ITGAD: variants seen among roughly 807,000 people sequenced by gnomAD.
ITGAD encodes the protein integrin subunit alpha D.
In ITGAD, 105 loss-of-function variants were observed where a neutral mutation model predicts 139.0. The observed-to-expected ratio is 0.76, with a 90% CI of 0.65 to 0.89. The LOEUF (loss-of-function observed/expected upper bound fraction) is 0.89. Ranked by LOEUF, ITGAD falls within the 40% of genes least tolerant of loss-of-function variation. The pLI, the probability that ITGAD is intolerant of heterozygous loss-of-function variation, is 0.00. For missense variants in ITGAD, 1,384 were observed against 1,487.3 expected, an observed-to-expected ratio of 0.93 and a Z score of 1.14; for synonymous variants, 569 against 598.3, an observed-to-expected ratio of 0.95 and a Z score of 0.71.
chr16:31,403,757 C>A lies in ITGAD; in HGVS notation c.704+112C>A. 2 of 1,384,172 alleles carry A rather than the reference C, an allele frequency of 1.4e-6. No individual in the cohort carries two copies. The highest frequency in any genetic ancestry group is 2.0e-6 in the Non-Finnish European group (2 of 1,003,184). 85.7% of individuals were successfully genotyped at this position (1,384,172 alleles called of 1,614,324 possible). ...GGGAGGCTCCAGGGAAAGGGGCTAC[C>A]AAGGGGCATGTCGGGGCTGCAGGGA... is the stretch of plus-strand genomic sequence containing the variant. On this transcript the variant is annotated intron_variant, in intron 7 of 29. Transcript: ENST00000389202. The surrounding 1 kb of genome is among the most constrained non-coding windows in gnomAD (Gnocchi z 4.4).
chr16:31,393,452 G>T, intron 1 of ITGAD, 61 bp downstream of exon 1: 1 of 1,587,738 alleles, frequency 6.3e-7, no homozygotes, highest in Non-Finnish European at 8.6e-7. Flanking sequence ...CTCCATCTGG[G>T]AGGGCAGGCT....
intron 23 of ITGAD, among the ~76,000 whole-genome samples, chr16:31,422,665 T>G (rs1276691081): frequency 1.3e-5 from 2 of 152,072 alleles, no homozygotes; most frequent in African/African-American, 4.8e-5. Context: ...AAGTTGGGTC[T>G]TTAAGTGTAA....
chr16:31,397,685 C>A lies in ITGAD; in HGVS notation c.312+19C>A. 1 of 522,060 alleles carries A rather than the reference C, an allele frequency of 1.9e-6. No homozygotes were observed. Among genetic ancestry groups the A allele is most frequent in the Non-Finnish European group, 3.6e-6 (1 of 279,686 alleles). 32.3% of individuals were successfully genotyped at this position (522,060 alleles called of 1,614,324 possible). ...GCTCCTGGTGAGTGAGTGTCTTGGG[C>A]CACGGGGGGGTGGGGTGGGGCGGGG... is the stretch of plus-strand genomic sequence containing the variant. On this transcript the variant is annotated intron_variant, in intron 4 of 29. Transcript: ENST00000389202.
At chr16:31,396,242 C>T (rs1308666132) in intron 2 of ITGAD, among the ~76,000 whole-genome samples, 4 of 152,142 alleles carry the variant, frequency 2.6e-5, no homozygotes, top group East Asian at 1.9e-4. Flanking sequence ...GAGGCTGAGG[C>T]GGGTGGATCA....
Position 31,397,869 on chromosome 16 carries a change from G to A in ITGAD, c.387G>A (p.Ser129=), listed in dbSNP as rs750617929. The change falls in exon 5 of 30, where the codon TCG becomes TCA. Residue 129 remains serine, a synonymous_variant. Transcript: ENST00000389202. Reference sequence around the variant, plus strand: ...AGGGTTCCTGCCTCCTGCTGGGCTCGCGCTGGGAGATCATCCAGACAGTCC... The same window carrying A: ...AGGGTTCCTGCCTCCTGCTGGGCTCACGCTGGGAGATCATCCAGACAGTCC... ...YSKGSCLLLG[S]RWEIIQTVPD... is the part of the protein sequence containing the mutation. 92 of 1,613,530 alleles carry A rather than the reference G, an allele frequency of 5.7e-5. 1 individual carries two copies. Among genetic ancestry groups the A allele is most frequent in the South Asian group, 5.4e-4 (49 of 91,008 alleles).
At chr16:31,410,685 G>T (rs774000250) in intron 11 of ITGAD, 51 bp from the exon 12 acceptor site, 1 of 1,549,120 alleles carries the variant, frequency 6.5e-7, no homozygotes, top group Non-Finnish European at 8.7e-7. Flanking sequence ...GGGGTCCAGG[G>T]TTCTGGGGAG....
chr16:31,418,102 C>T lies in ITGAD; in HGVS notation c.2527C>T (p.Leu843=), dbSNP rs1336025338. The T allele has an allele frequency of 1.9e-6, 3 of 1,614,012 alleles. No homozygotes were observed. In the African/African-American group the frequency reaches 4.0e-5, roughly 22 times the overall value. Residue 843 remains leucine, a synonymous_variant, in exon 21 of 30, where the codon CTG becomes TTG. Transcript: ENST00000389202. ...QKQPHQSALR[L]ACETVPTEDE... is the part of the protein sequence containing the mutation. ...GCAGCCCCATCAGAGTGCCCTGCGC[C>T]TGGCATGTGAGACAGTGCCCACTGA...
intron 5 of ITGAD, among the ~76,000 whole-genome samples, chr16:31,401,068 G>T (rs1476523504): frequency 6.6e-6 from 1 of 152,050 alleles, no homozygotes. Flanking sequence ...AGACCAGCCT[G>T]GGCAACATGG....
rs542140942 is a variant in ITGAD at position 31,395,476 on chromosome 16, C to T, written c.137+1135C>T. Among the ~76,000 whole-genome samples the T allele has an allele frequency of 3.3e-5, 5 of 152,244 alleles. No individual in the cohort carries two copies. In the South Asian group the frequency reaches 1.0e-3, roughly 32 times the overall value. ...AGCAATGACCGCTGCTACCTTCCGC[C>T]CCTGGCATGAGCTGGGTAAAGTCAG... is the stretch of plus-strand genomic sequence containing the variant. On this transcript the variant is annotated intron_variant, in intron 2 of 29. Coordinates refer to ENST00000389202, the MANE Select transcript of ITGAD (RefSeq NM_005353.3).
chr16:31,424,389 G>C, intron 28 of ITGAD, 78 bp from the exon 29 acceptor site: 1 of 1,321,560 alleles, frequency 7.6e-7, no homozygotes. Context: ...AGAAAGGAGG[G>C]GAGAGAGTTA....
intron 7 of ITGAD, among the ~76,000 whole-genome samples, chr16:31,405,830 A>G (rs1389452104): frequency 6.6e-6 from 1 of 151,828 alleles, no homozygotes; most frequent in East Asian, 1.9e-4. Context: ...TTTTGTAGAT[A>G]TGGGGTCTTG....
chr16:31,423,818 T>C, intron 26 of ITGAD, 27 bp from the exon 27 acceptor site: 1 of 1,609,752 alleles, frequency 6.2e-7, no homozygotes, highest in East Asian at 2.2e-5. Flanking sequence ...GAAGAACCCC[T>C]CAGTTTCACC....
At chr16:31,395,509 C>T (rs756917807) in intron 2 of ITGAD, among the ~76,000 whole-genome samples, 13 of 152,100 alleles carry the variant, frequency 8.5e-5, no homozygotes, top group Non-Finnish European at 1.8e-4. Context: ...CAGTTAGGGG[C>T]GCTCACTCTG....
chr16:31,414,888 T>A lies in ITGAD; in HGVS notation c.2180T>A (p.Ile727Asn), dbSNP rs1283008589. Reference protein sequence around the residue: ...PDCVEDVVSPIILHLNFSLVR... With the variant: ...PDCVEDVVSPNILHLNFSLVR... ...TGTGTGGAGGATGTGGTGAGCCCCA[T>A]CATTCTGCACCTCAACTTCTCACTG... is the stretch of plus-strand genomic sequence containing the variant. The change falls in exon 18 of 30, where the codon ATC becomes AAC. Residue 727 changes from isoleucine (I) to asparagine (N), a missense_variant. By Grantham distance (149) the Ile-to-Asn change is moderately radical (BLOSUM62 -3). Coordinates refer to ENST00000389202, the MANE Select transcript of ITGAD (RefSeq NM_005353.3). The A allele has an allele frequency of 4.3e-6, 7 of 1,614,050 alleles. No homozygotes were observed. The highest frequency in any genetic ancestry group is 5.9e-6 in the Non-Finnish European group (7 of 1,179,992).
rs750741847 is a variant in ITGAD at position 31,410,736 on chromosome 16, G to T, written c.1214G>T (p.Gly405Val). 15 of 1,610,302 alleles carry T rather than the reference G, an allele frequency of 9.3e-6. No homozygotes were observed. The highest frequency in any genetic ancestry group is 4.0e-5 in the African/African-American group (3 of 74,638). ...TTGTGCTGAGGCCTGGGCCCCTCAG[G>T]TTACTCCACCGAGCTAGCCCTGTGG... Reference protein sequence around the residue: ...ENVDMRDSYLGYSTELALWKG... With the variant: ...ENVDMRDSYLVYSTELALWKG... The change falls in exon 12 of 30, where the codon GGT becomes GTT. Residue 405 changes from glycine to valine, a missense_variant and splice_region_variant. Transcript: ENST00000389202.
At chr16:31,425,215 G>A (rs2082089098) in intron 29 of ITGAD, among the ~76,000 whole-genome samples, 1 of 151,988 alleles carries the variant, frequency 6.6e-6, no homozygotes, top group African/African-American at 2.4e-5. Context: ...AGGACTACAG[G>A]CACACACCAC....
In ITGAD at chr16:31,397,644, C is replaced by A; in HGVS notation, c.290C>A (p.Ser97Tyr). 4 of 1,605,332 alleles carry A rather than the reference C, an allele frequency of 2.5e-6. No homozygotes were observed. ...TCCTTGGGCCTGACCCTGGCAGCCTCCACCAACGGCTCCCGGCTCCTGGTG... is the reference window on the plus strand; with the variant it reads ...TCCTTGGGCCTGACCCTGGCAGCCTACACCAACGGCTCCCGGCTCCTGGTG... ...NMSLGLTLAA[S>Y]TNGSRLLACG... The change falls in exon 4 of 30, where the codon TCC becomes TAC. Residue 97 changes from serine (S) to tyrosine (Y), a missense_variant. By Grantham distance (144) the Ser-to-Tyr change is moderately radical. Transcript: ENST00000389202.
At chr16:31,396,054 G>C (rs1286842952) in intron 2 of ITGAD, among the ~76,000 whole-genome samples, 1 of 152,194 alleles carries the variant, frequency 6.6e-6, no homozygotes, top group Admixed American at 6.5e-5. Flanking sequence ...ACCTAGGTCA[G>C]CTGCTCCAGT....
chr16:31,414,338 G>C, intron 16 of ITGAD, 113 bp from the exon 17 acceptor site: 1 of 1,151,530 alleles, frequency 8.7e-7, no homozygotes, highest in Non-Finnish European at 1.3e-6. Context: ...ACGTGGTACA[G>C]TTCATGGCCC....
Sources: allele counts gnomAD v4.1 joint callset (sites outside exome capture counted in the v4.1 genomes callset), GRCh38; gene constraint gnomAD v4.1.1; non-coding constraint Gnocchi (gnomAD v3.1); transcripts MANE v1.5; gene names NCBI Gene and HGNC (gene_info 2026-07-23, HGNC 2026-07-21).